The following FBXL7 variants were observed in gnomAD, a reference collection of about 807,000 sequenced individuals.
The protein encoded by FBXL7 is F-box and leucine rich repeat protein 7.
In FBXL7, 12 loss-of-function variants were observed where a neutral mutation model predicts 38.3. The observed-to-expected ratio is 0.31, with a 90% confidence interval of 0.20 to 0.51. FBXL7 has a LOEUF of 0.51. FBXL7 is among the 20% of genes least tolerant of loss of function. The pLI is 0.98. For missense variants in FBXL7, 567 were observed against 676.4 expected (o/e 0.84, Z 1.79); for synonymous variants, 297 against 300.9 (o/e 0.99, Z 0.13).
chr5:15,637,001 A>C (rs538356629), intron 2 of FBXL7, among the ~76,000 whole-genome samples: 1 of 152,282 alleles, frequency 6.6e-6, no homozygotes, highest in East Asian at 1.9e-4. Flanking sequence ...TATGAATGAC[A>C]CAGCCTTGTA....
intron 2 of FBXL7, among the ~76,000 whole-genome samples, chr5:15,920,752 C>G (rs576414414): frequency 6.6e-6 from 1 of 152,232 alleles, no homozygotes; most frequent in Non-Finnish European, 1.5e-5. Context: ...AACTCCTGAC[C>G]TCTGGTGATC....
chr5:15,678,599 A>G (rs991491768), intron 2 of FBXL7, among the ~76,000 whole-genome samples: 3 of 152,182 alleles, frequency 2.0e-5, no homozygotes, highest in Non-Finnish European at 4.4e-5. Context: ...CTTGAATTGT[A>G]GCTCCTATAA....
intron 1 of FBXL7, among the ~76,000 whole-genome samples, chr5:15,609,196 A>T (rs911550721): frequency 2.6e-5 from 4 of 152,120 alleles, no homozygotes; most frequent in African/African-American, 9.7e-5. Flanking sequence ...TGGGCTGCCC[A>T]TTTCACCTGC....
Position 15,527,283 on chromosome 5 carries a change from C to T in FBXL7, c.37+26570C>T, listed in dbSNP as rs942909878. On this transcript the variant is annotated intron_variant, in intron 1 of 3. Coordinates refer to ENST00000504595, the MANE Select transcript of FBXL7 (RefSeq NM_012304.5). ...CTGCCCTACATTTAATTATTATAGTCGAGTATCATAATCCCTAAATTTAAA... is the reference window on the plus strand; with the variant it reads ...CTGCCCTACATTTAATTATTATAGTTGAGTATCATAATCCCTAAATTTAAA... 6.6e-5 allele frequency among the ~76,000 whole-genome samples: 10 copies of T among 152,094 alleles called. No homozygotes were observed. In the South Asian group the frequency reaches 2.1e-3, roughly 32 times the overall value.
At chr5:15,616,926 G>A (rs1422839192) in intron 2 of FBXL7, among the ~76,000 whole-genome samples, 1 of 152,152 alleles carries the variant, frequency 6.6e-6, no homozygotes, top group East Asian at 1.9e-4. Flanking sequence ...ATTGTGTAGC[G>A]CCTGCTTTCC....
intron 2 of FBXL7, among the ~76,000 whole-genome samples, chr5:15,671,825 CTT>C (rs1474280784): frequency 1.3e-5 from 2 of 152,268 alleles, no homozygotes; most frequent in East Asian, 3.9e-4. Flanking sequence ...CTTTGATTTT[CTT>C]TGTCATCTTG....
chr5:15,681,336 T>C (rs1742836425), intron 2 of FBXL7, among the ~76,000 whole-genome samples: 1 of 152,204 alleles, frequency 6.6e-6, no homozygotes, highest in Admixed American at 6.5e-5. Flanking sequence ...TACTCATCAG[T>C]AGGGGACTTT....
Position 15,920,387 on chromosome 5 carries a change from G to A in FBXL7, c.128-7503G>A, listed in dbSNP as rs115843192. ...AATAAACAAACGGTCTCTTTTGCCT[G>A]TAAATCTGTAATGCAAAAATCTGCA... is the stretch of plus-strand genomic sequence containing the variant. On this transcript the variant is annotated intron_variant, in intron 2 of 3. Transcript: ENST00000504595. 9.6e-3 allele frequency among the ~76,000 whole-genome samples: 1,461 copies of A among 152,310 alleles called. 19 individuals carry two copies. Among genetic ancestry groups the A allele is most frequent in the African/African-American group, 0.032 (1,324 of 41,558 alleles).
chr5:15,631,622 A>G (rs1044159894), intron 2 of FBXL7, among the ~76,000 whole-genome samples: 8 of 139,166 alleles, frequency 5.7e-5, no homozygotes, highest in Admixed American at 1.6e-4. Flanking sequence ...CAGTGAGCCG[A>G]GACTGCGCCA....
chr5:15,736,556 C>T (rs775193755), intron 2 of FBXL7, among the ~76,000 whole-genome samples: 2 of 152,148 alleles, frequency 1.3e-5, no homozygotes, highest in Admixed American at 6.5e-5. Context: ...CAACTATACA[C>T]AAATTATTTC....
At chr5:15,878,128 T>TTGTTC (rs1160988279) in intron 2 of FBXL7, among the ~76,000 whole-genome samples, 13 of 152,196 alleles carry the variant, frequency 8.5e-5, no homozygotes, top group Non-Finnish European at 2.9e-5. Flanking sequence ...AATCCTTCAG[T>TTGTTC]TGTTCTGGCA....
rs1178900012 is a variant in FBXL7, at chr5:15,568,796, T to C, written c.38-47187T>C. ...GTGTAAGGAAGGGATCCAGTTTCAG[T>C]TTTCTACATATGGCTAGCCAGTTTT... is the stretch of plus-strand genomic sequence containing the variant. On this transcript the variant is annotated intron_variant, in intron 1 of 3. Coordinates refer to ENST00000504595, the MANE Select transcript of FBXL7 (RefSeq NM_012304.5). Among the ~76,000 whole-genome samples the C allele has an allele frequency of 2.7e-4, 41 of 151,872 alleles. 1 individual carries two copies. Among genetic ancestry groups the C allele is most frequent in the South Asian group, 4.2e-4 (2 of 4,802 alleles).
chr5:15,603,215 T>G (rs1319981777), intron 1 of FBXL7, among the ~76,000 whole-genome samples: 1 of 152,218 alleles, frequency 6.6e-6, no homozygotes, highest in Non-Finnish European at 1.5e-5. Flanking sequence ...GTGTCTTGTT[T>G]TTTTTAGTGC....
chr5:15,715,885 A>G (rs1744029051), intron 2 of FBXL7, among the ~76,000 whole-genome samples: 1 of 152,228 alleles, frequency 6.6e-6, no homozygotes, highest in Admixed American at 6.5e-5. Context: ...TAAGGTTTTT[A>G]CCTGTAAACA....
At chr5:15,794,708 A>G (rs568077231) in intron 2 of FBXL7, among the ~76,000 whole-genome samples, 2 of 152,228 alleles carry the variant, frequency 1.3e-5, no homozygotes, top group South Asian at 2.1e-4. Flanking sequence ...CTTTCATTTT[A>G]TCTTAACAAC....
At chr5:15,738,734 T>A (rs1273720428) in intron 2 of FBXL7, among the ~76,000 whole-genome samples, 1 of 152,256 alleles carries the variant, frequency 6.6e-6, no homozygotes, top group Non-Finnish European at 1.5e-5. Context: ...GGAGACCTTA[T>A]GTTGCACCTT....
At chr5:15,614,712 G>C (rs1740387524) in intron 1 of FBXL7, among the ~76,000 whole-genome samples, 1 of 152,188 alleles carries the variant, frequency 6.6e-6, no homozygotes, top group Non-Finnish European at 1.5e-5. Context: ...TCACAGTGCT[G>C]CAATGAAGGC....
chr5:15,918,702 A>G (rs190314740), intron 2 of FBXL7, among the ~76,000 whole-genome samples: 5 of 152,260 alleles, frequency 3.3e-5, no homozygotes, highest in East Asian at 3.9e-4. Context: ...ATCCTCGCCA[A>G]TTTCCCACAC....
intron 2 of FBXL7, among the ~76,000 whole-genome samples, chr5:15,817,231 AC>A (rs1388618972): frequency 1.3e-5 from 2 of 152,218 alleles, no homozygotes; most frequent in African/African-American, 4.8e-5. Context: ...CAAGAAGCAG[AC>A]AAATAGTCTT....
Sources: allele counts gnomAD v4.1 joint callset (sites outside exome capture counted in the v4.1 genomes callset), GRCh38; gene constraint gnomAD v4.1.1; transcripts MANE v1.5; gene names NCBI Gene and HGNC (gene_info 2026-07-23, HGNC 2026-07-21).